CC2D2A: variants seen among roughly 807,000 people sequenced by gnomAD.
CC2D2A encodes coiled-coil and C2 domain containing 2A, also known as coiled-coil and C2 domain-containing protein 2A.
Under a neutral mutation model 212.9 loss-of-function variants are expected in CC2D2A, and 155 were observed. The ratio of observed to expected loss-of-function variants is 0.73; its 90% confidence interval spans 0.64 to 0.83. CC2D2A has a LOEUF of 0.83. Ranked by LOEUF, CC2D2A falls within the 40% of genes least tolerant of loss-of-function variation. CC2D2A has a pLI of 0.00. For missense variants in CC2D2A, 1,856 were observed against 1,956.2 expected (o/e 0.95, Z 0.97); for synonymous variants, 667 against 686.5 (o/e 0.97, Z 0.44).
At chr4:15,533,694 G>C (rs940523971) in intron 14 of CC2D2A, among the ~76,000 whole-genome samples, 1 of 152,028 alleles carries the variant, frequency 6.6e-6, no homozygotes, top group African/African-American at 2.4e-5. Context: ...CTTCAGTACT[G>C]TGTTTGTGAG....
chr4:15,593,919 T>C (rs992589343), intron 33 of CC2D2A, among the ~76,000 whole-genome samples: 4 of 152,122 alleles, frequency 2.6e-5, no homozygotes, highest in Non-Finnish European at 5.9e-5. Flanking sequence ...AAAAGGCAAA[T>C]TGTCACTCCT....
chr4:15,561,719 CAG>C (rs1719611645), intron 23 of CC2D2A: 1 of 152,154 alleles, frequency 6.6e-6, no homozygotes, highest in Non-Finnish European at 1.5e-5. Context: ...ATCAAAGTCT[CAG>C]GGAGGACTTA....
chr4:15,527,484 G>T lies in CC2D2A; in HGVS notation c.1187G>T (p.Arg396Ile). The part of the protein sequence containing the change: ...KYVHSSQHVI[R>I]SGDPPGNFQL... ...GTTCACAGTAGTCAGCATGTGATCA[G>T]ATCTGGAGACCCTCCTGGAAATTTC... The change falls in exon 12 of 37, where the codon AGA (arginine) becomes ATA (isoleucine). Residue 396 changes from arginine (R) to isoleucine (I), a missense_variant. Physicochemically the swap from Arg to Ile is moderately conservative, Grantham distance 97. Transcript: ENST00000424120. 1 of 1,613,646 alleles carries T rather than the reference G, an allele frequency of 6.2e-7. No homozygotes were observed. The highest frequency in any genetic ancestry group is 8.5e-7 in the Non-Finnish European group (1 of 1,179,730).
chr4:15,537,101 G>C lies in CC2D2A; in HGVS notation c.1764+25G>C, dbSNP rs755616683. The C allele has an allele frequency of 2.5e-6, 4 of 1,608,936 alleles. No homozygotes were observed. In the South Asian group the frequency reaches 3.3e-5, roughly 13 times the overall value. ...AGTGTGTAAACAAACACTCAGCCTG[G>C]AATAGGGCTGGCCAGGAAGTGTCTG... On this transcript the variant is annotated intron_variant, in intron 15 of 36. Coordinates refer to ENST00000424120, the MANE Select transcript of CC2D2A (RefSeq NM_001378615.1).
chr4:15,478,269 T>C (rs904647235), intron 2 of CC2D2A, among the ~76,000 whole-genome samples: 2 of 152,254 alleles, frequency 1.3e-5, no homozygotes, highest in Admixed American at 6.5e-5. Flanking sequence ...ATTATCCTTT[T>C]CCTGCTGGTA....
chr4:15,520,072 C>G (rs1288936178), intron 11 of CC2D2A, among the ~76,000 whole-genome samples: 3 of 152,162 alleles, frequency 2.0e-5, no homozygotes, highest in Non-Finnish European at 4.4e-5. Flanking sequence ...TCCTGCTGTC[C>G]TACTAACTAA....
chr4:15,474,243 GA>G (rs1714023352), intron 1 of CC2D2A, among the ~76,000 whole-genome samples: 1 of 152,200 alleles, frequency 6.6e-6, no homozygotes, highest in African/African-American at 2.4e-5. Context: ...GCCAACTGAA[GA>G]AAGTATCTCA....
chr4:15,511,336 A>G lies in CC2D2A; in HGVS notation c.630A>G (p.Pro210=). 6.3e-7 allele frequency: 1 copy of G among 1,599,008 alleles called. No homozygotes were observed. Among genetic ancestry groups the G allele is most frequent in the Non-Finnish European group, 8.5e-7 (1 of 1,174,474 alleles). ...AACCAGAAGGATCAGAGGAAAAACC[A>G]AAAGCAAGACATAGAGCGGGAACTA... ...DPEPEGSEEK[P]KARHRAGTNQ... The change falls in exon 8 of 37, where the codon CCA becomes CCG. Residue 210 remains proline, a synonymous_variant. Transcript: ENST00000424120.
chr4:15,533,087 T>A, intron 13 of CC2D2A, 106 bp from the exon 14 acceptor site: 1 of 869,392 alleles, frequency 1.2e-6, no homozygotes, highest in South Asian at 2.0e-5. Flanking sequence ...TGTTTCAAAA[T>A]ACGGTAGCTA....
At position 15,569,461 on chromosome 4, in the gene CC2D2A, C is replaced by G; in HGVS notation, c.3495+72C>G. On this transcript the variant is annotated intron_variant, in intron 27 of 36. Transcript: ENST00000424120. ...CTCTACCCACTACATAAGTTCCAAT[C>G]ACATTGTTACCAGAAAGGGGTCCCG... The G allele has an allele frequency of 3.5e-6, 3 of 857,192 alleles. No homozygotes were observed. In the South Asian group the frequency reaches 4.5e-5, roughly 13 times the overall value. 53.1% of individuals were successfully genotyped at this position (857,192 alleles called of 1,614,324 possible).
At chr4:15,481,289 A>C in intron 4 of CC2D2A, 1 of 450,378 alleles carries the variant, frequency 2.2e-6, no homozygotes, top group Non-Finnish European at 4.4e-6. Flanking sequence ...CGGGTAAATC[A>C]CCTGAGGTTG....
chr4:15,556,924 T>C (rs1273458882), intron 20 of CC2D2A, among the ~76,000 whole-genome samples: 2 of 152,216 alleles, frequency 1.3e-5, no homozygotes, highest in African/African-American at 4.8e-5. Flanking sequence ...GCACATGACA[T>C]TAAAAAGTCA....
In CC2D2A at chr4:15,567,343, A is replaced by G. The variant is rs766638423; in HGVS notation, c.3183-34A>G. ...CTCAATATATAATTAGACTTCCTCT[A>G]TCATTAATTTCCTTCATACATTTTC... On this transcript the variant is annotated intron_variant, in intron 24 of 36. Coordinates refer to ENST00000424120, the MANE Select transcript of CC2D2A (RefSeq NM_001378615.1). 7 of 1,430,112 alleles carry G rather than the reference A, an allele frequency of 4.9e-6. No homozygotes were observed. The Admixed American group carries it at 6.8e-5, about 14-fold the overall frequency. 88.6% of individuals were successfully genotyped at this position (1,430,112 alleles called of 1,614,324 possible). A position where few individuals can be genotyped will look rare whatever the true frequency, so the allele number is the denominator to read the frequency against.
rs181290995 is a variant in CC2D2A, at chr4:15,558,673, A to G, written c.2830-492A>G. Among the ~76,000 whole-genome samples, 106 of 152,102 alleles carry G rather than the reference A, an allele frequency of 7.0e-4. 1 individual carries two copies. Among genetic ancestry groups the G allele is most frequent in the African/African-American group, 2.5e-3 (105 of 41,466 alleles). On this transcript the variant is annotated intron_variant, in intron 21 of 36. Coordinates refer to ENST00000424120, the MANE Select transcript of CC2D2A (RefSeq NM_001378615.1). ...TGACCAAAGAGTGGGATTAGAGGAG[A>G]ACATAGCAGTTCCCAGGGCACACAC... is the stretch of plus-strand genomic sequence containing the variant.
intron 28 of CC2D2A, among the ~76,000 whole-genome samples, chr4:15,572,171 T>C (rs1720201855): frequency 6.6e-6 from 1 of 152,196 alleles, no homozygotes; most frequent in African/African-American, 2.4e-5. Flanking sequence ...TATTGCCGGG[T>C]AGTTTATACA....
At chr4:15,587,987 G>A (rs988982908) in intron 32 of CC2D2A, 58 bp downstream of exon 32, 28 of 946,010 alleles carry the variant, frequency 3.0e-5, no homozygotes, top group Non-Finnish European at 4.5e-5. Flanking sequence ...CGAGTTGTGT[G>A]TTCCAGATCA....
At chr4:15,551,496 T>A (rs115772825) in intron 18 of CC2D2A, among the ~76,000 whole-genome samples, 5,601 of 152,288 alleles carry the variant, frequency 0.037, 145 homozygotes, top group Admixed American at 0.061. Flanking sequence ...ACTGCTACAA[T>A]CTATATAATT....
At chr4:15,481,191 T>G in intron 4 of CC2D2A, 1 of 457,184 alleles carries the variant, frequency 2.2e-6, no homozygotes, top group South Asian at 1.5e-5. Flanking sequence ...CTCTGTTCAC[T>G]CACAGGAGAG....
chr4:15,578,826 G>T (rs1720526547), intron 29 of CC2D2A, among the ~76,000 whole-genome samples: 2 of 150,592 alleles, frequency 1.3e-5, no homozygotes, highest in African/African-American at 4.9e-5. Context: ...GTTTTTAATA[G>T]AGACAGGGTC....
Sources: gnomAD v4.1 joint callset for allele counts (sites outside exome capture counted in the v4.1 genomes callset) on GRCh38, gnomAD v4.1.1 for gene constraint, MANE v1.5 for transcripts, NCBI Gene and HGNC (gene_info 2026-07-23, HGNC 2026-07-21) for gene names.